Variants in RBFOX1 observed in about 807,000 individuals in gnomAD.
RBFOX1 encodes RNA binding protein fox-1 homolog 1.
Under a neutral mutation model 57.7 loss-of-function variants are expected in RBFOX1, and 8 were observed. The ratio of observed to expected loss-of-function variants is 0.14; its 90% CI spans 0.08 to 0.25. RBFOX1 has a LOEUF of 0.25. RBFOX1 is among the 10% of genes least tolerant of loss of function. The pLI is 1.00. For missense variants in RBFOX1, 611 were observed against 548.5 expected (o/e 1.11, Z -1.14); for synonymous variants, 326 against 222.4 (o/e 1.47, Z -4.15).
chr16:6,230,836 A>T (rs1017440892), intron 1 of RBFOX1, among the ~76,000 whole-genome samples: 3 of 152,220 alleles, frequency 2.0e-5, no homozygotes, highest in African/African-American at 7.2e-5. Flanking sequence ...AATGCTAAAG[A>T]AACATATACA....
intron 14 of RBFOX1, among the ~76,000 whole-genome samples, chr16:7,703,866 G>C (rs924075681): frequency 1.3e-5 from 2 of 152,156 alleles, no homozygotes; most frequent in African/African-American, 4.8e-5. Context: ...TAATTTGATC[G>C]GTAGAGCTGC....
chr16:5,626,888 G>C (rs2048364954), intron 3 of RBFOX1, among the ~76,000 whole-genome samples: 1 of 151,860 alleles, frequency 6.6e-6, no homozygotes, highest in Non-Finnish European at 1.5e-5. Flanking sequence ...TGCTTAATTG[G>C]GTCTCATTTC....
chr16:5,689,839 G>T (rs571029168), intron 3 of RBFOX1, among the ~76,000 whole-genome samples: 2 of 151,824 alleles, frequency 1.3e-5, no homozygotes, highest in South Asian at 2.1e-4. Flanking sequence ...TTGTAAATAA[G>T]TTATGTATTA....
At chr16:5,771,415 T>G (rs1270063833) in intron 3 of RBFOX1, among the ~76,000 whole-genome samples, 2 of 152,196 alleles carry the variant, frequency 1.3e-5, no homozygotes, top group Non-Finnish European at 2.9e-5. Context: ...TTTTGTTTTG[T>G]TTTGTTTTCT....
At chr16:7,498,552 A>G (rs1037634969) in intron 4 of RBFOX1, among the ~76,000 whole-genome samples, 18 of 152,202 alleles carry the variant, frequency 1.2e-4, no homozygotes, top group Non-Finnish European at 1.8e-4. Context: ...ATAACCAAGC[A>G]TAATTTTATT....
At chr16:6,793,342 C>T (rs777100858) in intron 3 of RBFOX1, among the ~76,000 whole-genome samples, 6 of 151,758 alleles carry the variant, frequency 4.0e-5, no homozygotes, top group Admixed American at 1.3e-4. Flanking sequence ...AGTTTTTTTT[C>T]CAAAATATGA....
rs748630532 is a variant in RBFOX1 at position 6,568,503 on chromosome 16, A to T, written c.-63-86100A>T. ...CCATAGTCTTTTATAACCCAACCTC[A>T]GAGTGACATACCATCACTTCTGCCA... On this transcript the variant is annotated intron_variant, in intron 2 of 15. Transcript: ENST00000550418. 2.6e-4 allele frequency among the ~76,000 whole-genome samples: 39 copies of T among 152,164 alleles called. 2 individuals carry two copies. Among genetic ancestry groups the T allele is most frequent in the Admixed American group, 1.3e-4 (2 of 15,268 alleles).
At chr16:5,969,098 G>C (rs2059908501) in intron 4 of RBFOX1, among the ~76,000 whole-genome samples, 1 of 151,824 alleles carries the variant, frequency 6.6e-6, no homozygotes, top group African/African-American at 2.4e-5. Flanking sequence ...TTCTAATTCT[G>C]ATTTATATTG....
intron 3 of RBFOX1, among the ~76,000 whole-genome samples, chr16:6,897,053 C>G (rs2067114777): frequency 6.6e-6 from 1 of 152,174 alleles, no homozygotes; most frequent in African/African-American, 2.4e-5. Flanking sequence ...CTCTCCACAC[C>G]TTCCTGAATG....
chr16:6,368,688 A>G (rs1056247623), intron 2 of RBFOX1, among the ~76,000 whole-genome samples: 3 of 152,204 alleles, frequency 2.0e-5, no homozygotes, highest in African/African-American at 4.8e-5. Context: ...TTCATTCACC[A>G]TTCATTGAAC....
At chr16:5,398,634 G>C (rs2066629607) in intron 1 of RBFOX1, among the ~76,000 whole-genome samples, 1 of 152,022 alleles carries the variant, frequency 6.6e-6, no homozygotes, top group African/African-American at 2.4e-5. Context: ...AAGTGTACTA[G>C]GCACGCTTGG....
intron 3 of RBFOX1, among the ~76,000 whole-genome samples, chr16:5,820,441 C>T (rs779842753): frequency 3.3e-5 from 5 of 152,234 alleles, no homozygotes; most frequent in South Asian, 4.2e-4. Context: ...CGTGGCTGGA[C>T]CGTGCCGGGA....
chr16:5,757,062 T>C (rs1214200519), intron 3 of RBFOX1, among the ~76,000 whole-genome samples: 2 of 152,176 alleles, frequency 1.3e-5, no homozygotes, highest in Non-Finnish European at 2.9e-5. Context: ...GAGTTCTGTA[T>C]TGCATTCTTC....
At chr16:6,983,903 C>G (rs1424067540) in intron 3 of RBFOX1, among the ~76,000 whole-genome samples, 1 of 152,064 alleles carries the variant, frequency 6.6e-6, no homozygotes, top group Non-Finnish European at 1.5e-5. Flanking sequence ...TGACTCTTAG[C>G]ATGTAGTAAT....
chr16:7,563,668 C>A (rs755182063), intron 5 of RBFOX1, among the ~76,000 whole-genome samples: 2 of 152,100 alleles, frequency 1.3e-5, no homozygotes, highest in Non-Finnish European at 2.9e-5. Context: ...GGGGGTTTCA[C>A]TATGTTGGCC....
intron 3 of RBFOX1, among the ~76,000 whole-genome samples, chr16:6,828,833 T>G (rs2092450291): frequency 6.6e-6 from 1 of 152,166 alleles, no homozygotes; most frequent in Admixed American, 6.5e-5. Context: ...CTAAGAAATT[T>G]CCACCCTTTC....
intron 11 of RBFOX1, among the ~76,000 whole-genome samples, chr16:7,645,695 C>G (rs1384314231): frequency 6.6e-6 from 1 of 152,156 alleles, no homozygotes; most frequent in African/African-American, 2.4e-5. Context: ...TTTTGTTTTC[C>G]TATTCAATGC....
At chr16:7,362,176 A>AGT (rs57675211) in intron 4 of RBFOX1, among the ~76,000 whole-genome samples, 25,953 of 150,198 alleles carry the variant, frequency 0.17, 3,557 homozygotes, top group African/African-American at 0.38. Context: ...TATGCTTGCT[A>AGT]GTGTGTGTGT....
chr16:6,236,988 T>A (rs1399810122), intron 1 of RBFOX1, among the ~76,000 whole-genome samples: 1 of 152,150 alleles, frequency 6.6e-6, no homozygotes. Context: ...CTATTTCATC[T>A]CTAAACAAAC....
Sources: gnomAD v4.1 joint callset for allele counts (sites outside exome capture counted in the v4.1 genomes callset) on GRCh38, gnomAD v4.1.1 for gene constraint, MANE v1.5 for transcripts, NCBI Gene and HGNC (gene_info 2026-07-23, HGNC 2026-07-21) for gene names.